Variants in RYR3 observed in about 807,000 individuals in gnomAD.
The protein encoded by RYR3 is ryanodine receptor 3.
RYR3 carries 207 observed loss-of-function variants against 584.3 expected under a neutral mutation model. The observed-to-expected ratio is 0.35, with a 90% confidence interval of 0.32 to 0.40. The LOEUF (loss-of-function observed/expected upper bound fraction) is 0.40. RYR3 is among the 10% of genes least tolerant of loss of function. The probability of loss-of-function intolerance (pLI) is 1.00; values close to 1 mark genes in which losing one functional copy is unlikely to be tolerated. For synonymous variants in RYR3, 2,416 were observed against 2,248.5 expected (o/e 1.07, Z -2.11); for missense variants, 5,616 against 6,089.2 (o/e 0.92, Z 2.59).
At chr15:33,405,863 A>T (rs2042983452) in intron 1 of RYR3, among the ~76,000 whole-genome samples, 2 of 152,134 alleles carry the variant, frequency 1.3e-5, no homozygotes, top group Admixed American at 6.5e-5. Context: ...CTTCATTCTT[A>T]GGCAGCTTCT....
intron 16 of RYR3, among the ~76,000 whole-genome samples, chr15:33,587,579 A>G (rs887804215): frequency 2.0e-5 from 3 of 152,246 alleles, no homozygotes; most frequent in East Asian, 1.9e-4. Context: ...CTAGAAATCA[A>G]TGCCTGATCT....
At chr15:33,359,266 C>G (rs1015250233) in intron 1 of RYR3, among the ~76,000 whole-genome samples, 3 of 152,176 alleles carry the variant, frequency 2.0e-5, no homozygotes, top group Non-Finnish European at 4.4e-5. Context: ...AACAACACAA[C>G]AAACAGACAA....
At chr15:33,470,129 A>G (rs1337378343) in intron 1 of RYR3, among the ~76,000 whole-genome samples, 2 of 152,180 alleles carry the variant, frequency 1.3e-5, no homozygotes, top group African/African-American at 2.4e-5. Context: ...TAATGATAGT[A>G]TTTCCCGATG....
chr15:33,370,482 A>T (rs539620210), intron 1 of RYR3, among the ~76,000 whole-genome samples: 4 of 152,302 alleles, frequency 2.6e-5, no homozygotes, highest in African/African-American at 9.6e-5. Flanking sequence ...CTGCTTACAG[A>T]TAGGACACAG....
intron 1 of RYR3, among the ~76,000 whole-genome samples, chr15:33,435,713 C>A (rs1248692372): frequency 2.6e-5 from 4 of 152,184 alleles, no homozygotes; most frequent in African/African-American, 4.8e-5. Flanking sequence ...TTGTTCCTCC[C>A]GGTAGGTTCC....
At chr15:33,544,556 T>A (rs1040888592) in intron 8 of RYR3, among the ~76,000 whole-genome samples, 32 of 152,316 alleles carry the variant, frequency 2.1e-4, no homozygotes, top group Admixed American at 1.8e-3. Context: ...ACACACTGGC[T>A]GATTTCAGAT....
intron 1 of RYR3, among the ~76,000 whole-genome samples, chr15:33,320,242 T>G (rs1249723665): frequency 6.6e-6 from 1 of 152,206 alleles, no homozygotes; most frequent in Non-Finnish European, 1.5e-5. Flanking sequence ...GTATCATTTA[T>G]CACAGGGTAT....
At chr15:33,596,602 A>G (rs1056825813) in intron 16 of RYR3, among the ~76,000 whole-genome samples, 2 of 152,156 alleles carry the variant, frequency 1.3e-5, no homozygotes, top group African/African-American at 4.8e-5. Flanking sequence ...CATATAATAT[A>G]CATGGTAATC....
chr15:33,503,227 C>G (rs941541087), intron 2 of RYR3, among the ~76,000 whole-genome samples: 4 of 152,152 alleles, frequency 2.6e-5, no homozygotes, highest in Admixed American at 2.6e-4. Flanking sequence ...CTGTCTAGAG[C>G]CACATTATGG....
chr15:33,539,356 C>G lies in RYR3; in HGVS notation c.440C>G (p.Ala147Gly). The G allele has an allele frequency of 6.3e-7, 1 of 1,585,584 alleles. No individual in the cohort carries two copies. The highest frequency in any genetic ancestry group is 8.6e-7 in the Non-Finnish European group (1 of 1,163,888). ...VGLREHATGE[A>G]CWWTIHPASK... ...TCAAGGAGCCTTCATGTAGGAGAAG[C>G]CTGTTGGTGGACTATACATCCTGCT... Residue 147 changes from alanine (A) to glycine (G), a missense_variant, in exon 6 of 104, where the codon GCC becomes GGC. Ala to Gly is a moderately conservative substitution (Grantham distance 60). Transcript: ENST00000634891.
intron 16 of RYR3, among the ~76,000 whole-genome samples, chr15:33,597,581 A>G (rs2152543797): frequency 6.7e-6 from 1 of 150,286 alleles, no homozygotes; most frequent in African/African-American, 2.5e-5. Flanking sequence ...ACTGTACTCC[A>G]GCCTGGGCGA....
chr15:33,333,047 TAATA>T (rs1970543703), intron 1 of RYR3, among the ~76,000 whole-genome samples: 1 of 25,114 alleles, frequency 4.0e-5, no homozygotes, highest in Non-Finnish European at 8.1e-5. Flanking sequence ...ACTGAGGCAA[TAATA>T]AATAGCCTAC....
intron 8 of RYR3, among the ~76,000 whole-genome samples, chr15:33,544,253 A>T (rs1421061365): frequency 2.0e-5 from 3 of 152,162 alleles, no homozygotes; most frequent in Non-Finnish European, 4.4e-5. Context: ...CCAAGTCTTA[A>T]ACGCATACTA....
At chr15:33,442,614 C>T (rs144673818) in intron 1 of RYR3, among the ~76,000 whole-genome samples, 21 of 152,310 alleles carry the variant, frequency 1.4e-4, no homozygotes, top group African/African-American at 5.1e-4. Flanking sequence ...TTATAGCCGC[C>T]TGACCATATC....
chr15:33,417,467 C>T (rs902952445), intron 1 of RYR3, among the ~76,000 whole-genome samples: 12 of 151,818 alleles, frequency 7.9e-5, no homozygotes, highest in Admixed American at 5.3e-4. Flanking sequence ...GAGATTGTAT[C>T]ATCTATTTGG....
chr15:33,388,595 G>A (rs1477993247), intron 1 of RYR3, among the ~76,000 whole-genome samples: 1 of 152,042 alleles, frequency 6.6e-6, no homozygotes, highest in Admixed American at 6.6e-5. Flanking sequence ...ATAAATCCCA[G>A]GATAAATAAA....
chr15:33,558,615 C>T (rs1465400162), intron 10 of RYR3, among the ~76,000 whole-genome samples: 1 of 152,168 alleles, frequency 6.6e-6, no homozygotes, highest in Non-Finnish European at 1.5e-5. Context: ...TTGTGGAAGA[C>T]AGTGTGGCGA....
chr15:33,614,323 T>A lies in RYR3; in HGVS notation c.2357+948T>A, dbSNP rs181065696. 1.2e-3 allele frequency among the ~76,000 whole-genome samples: 187 copies of A among 152,172 alleles called. 4 individuals carry two copies. In the East Asian group the frequency reaches 0.034, roughly 27 times the overall value. ...CTTAATGTACATAACGGGTAACTTT[T>A]AAAAAAAATTCTAAAGAATTCCAAA... On this transcript the variant is annotated intron_variant, in intron 19 of 103. Transcript: ENST00000634891.
Position 33,838,720 on chromosome 15 carries a change from C to G in RYR3, c.12740C>G (p.Thr4247Ser). 1.2e-6 allele frequency: 2 copies of G among 1,613,904 alleles called. No homozygotes were observed. The highest frequency in any genetic ancestry group is 1.7e-6 in the Non-Finnish European group (2 of 1,179,874). ...DPTQFGIHDD[T>S]MEAERAEVME... is the part of the protein sequence containing the mutation. Reference sequence around the variant, plus strand: ...ACCCAATTTGGTATCCATGATGACACTATGGAGGCTGAGAGGGCAGAGGTG... The same window carrying G: ...ACCCAATTTGGTATCCATGATGACAGTATGGAGGCTGAGAGGGCAGAGGTG... Residue 4247 changes from threonine to serine, a missense_variant, in exon 89 of 104, where the codon ACT becomes AGT. By Grantham distance (58) the Thr-to-Ser change is moderately conservative. This residue lies in a region of RYR3 where 918 missense variants were observed against 887.4 expected (regional missense o/e 1.03). Coordinates refer to ENST00000634891, the MANE Select transcript of RYR3 (RefSeq NM_001036.6).
Sources: gnomAD v4.1 joint callset for allele counts (sites outside exome capture counted in the v4.1 genomes callset) on GRCh38, gnomAD v4.1.1 for gene constraint, gnomAD v4.1.1 regional missense constraint, MANE v1.5 for transcripts, NCBI Gene and HGNC (gene_info 2026-07-23, HGNC 2026-07-21) for gene names.